The following FBXL13 variants were observed in gnomAD, a reference collection of about 807,000 sequenced individuals.
The protein encoded by FBXL13 is F-box and leucine-rich repeat protein 13.
In FBXL13, 67 loss-of-function variants were observed where a neutral mutation model predicts 83.6. The observed-to-expected ratio is 0.80, with a 90% CI of 0.66 to 0.98. FBXL13 has a LOEUF of 0.98. Ranked by LOEUF, FBXL13 falls within the 50% of genes least tolerant of loss-of-function variation. The pLI, the probability that FBXL13 is intolerant of heterozygous loss-of-function variation, is 0.00. For missense variants in FBXL13, 822 were observed against 866.5 expected (o/e 0.95, Z 0.64); for synonymous variants, 272 against 299.5 (o/e 0.91, Z 0.95).
At chr7:102,977,310 G>T (rs961847343) in intron 6 of FBXL13, among the ~76,000 whole-genome samples, 1 of 152,182 alleles carries the variant, frequency 6.6e-6, no homozygotes, top group Non-Finnish European at 1.5e-5. Flanking sequence ...ACAAATGTGC[G>T]TGGCAATTTA....
intron 18 of FBXL13, among the ~76,000 whole-genome samples, chr7:102,831,797 A>G (rs1562921243): frequency 6.6e-6 from 1 of 151,900 alleles, no homozygotes; most frequent in Non-Finnish European, 1.5e-5. Context: ...TGTTGCTCTT[A>G]TCTCCTCTCC....
At chr7:102,933,116 T>A (rs1227504224) in intron 8 of FBXL13, 1 of 151,896 alleles carries the variant, frequency 6.6e-6, no homozygotes, top group Non-Finnish European at 1.5e-5. Context: ...ACCCAACAAG[T>A]GGGAAGAAGT....
intron 6 of FBXL13, among the ~76,000 whole-genome samples, chr7:103,021,356 GT>G (rs1333391726): frequency 6.6e-6 from 1 of 152,158 alleles, no homozygotes; most frequent in Non-Finnish European, 1.5e-5. Flanking sequence ...AGACTTAAAT[GT>G]TAGACCTAAA....
intron 6 of FBXL13, among the ~76,000 whole-genome samples, chr7:102,978,100 G>C (rs1192850412): frequency 1.3e-5 from 2 of 152,076 alleles, no homozygotes; most frequent in Non-Finnish European, 2.9e-5. Flanking sequence ...AAAACTTAAA[G>C]TATAATAATA....
chr7:103,007,823 C>G (rs572934639), intron 6 of FBXL13, among the ~76,000 whole-genome samples: 100 of 152,046 alleles, frequency 6.6e-4, no homozygotes, highest in Non-Finnish European at 1.1e-3. Context: ...ATGGGAGGAG[C>G]TGAAGTGGCC....
At chr7:102,902,367 C>T (rs1405971019) in intron 11 of FBXL13, among the ~76,000 whole-genome samples, 2 of 152,270 alleles carry the variant, frequency 1.3e-5, no homozygotes, top group African/African-American at 4.8e-5. Context: ...CAAATATTTT[C>T]TCCCATTCTG....
chr7:103,059,055 T>G (rs562113789), intron 1 of FBXL13, among the ~76,000 whole-genome samples: 52 of 152,058 alleles, frequency 3.4e-4, no homozygotes, highest in Middle Eastern at 3.4e-3. Flanking sequence ...AAGACAGGAG[T>G]TCAGGACTAC....
chr7:102,835,603 G>GTT (rs776220490), intron 17 of FBXL13, among the ~76,000 whole-genome samples: 3,594 of 97,376 alleles, frequency 0.037, 305 homozygotes, highest in Non-Finnish European at 0.04. Context: ...AGGTGACATT[G>GTT]TTTTTTTTTT....
intron 15 of FBXL13, 112 bp from the exon 17 acceptor site, chr7:102,877,705 C>T (rs952593298): frequency 8.1e-6 from 9 of 1,110,080 alleles, no homozygotes; most frequent in African/African-American, 1.6e-5. Context: ...CAAAGATTTT[C>T]CTTTACTCAA....
At chr7:103,067,557 A>C (rs1798518834) in intron 1 of FBXL13, among the ~76,000 whole-genome samples, 1 of 152,150 alleles carries the variant, frequency 6.6e-6, no homozygotes, top group Non-Finnish European at 1.5e-5. Flanking sequence ...CTGTTTTGGG[A>C]CCCAGCCTCC....
chr7:102,927,929 T>A (rs1319367072), intron 9 of FBXL13, among the ~76,000 whole-genome samples: 5 of 152,204 alleles, frequency 3.3e-5, no homozygotes, highest in Admixed American at 3.3e-4. Context: ...TATACACTTG[T>A]TGAAAGACCT....
chr7:103,037,876 G>A (rs1374241254), intron 2 of FBXL13, among the ~76,000 whole-genome samples: 3 of 152,040 alleles, frequency 2.0e-5, no homozygotes, highest in Non-Finnish European at 4.4e-5. Context: ...AGCTCCCAGC[G>A]AGATCCACGC....
chr7:103,034,363 C>T (rs1022756712), intron 2 of FBXL13, among the ~76,000 whole-genome samples: 3 of 152,192 alleles, frequency 2.0e-5, no homozygotes, highest in Admixed American at 6.5e-5. Flanking sequence ...TCAGGCATGG[C>T]GGACTGCAGG....
In FBXL13 at chr7:103,025,167, C is replaced by T. The variant is rs559357123; in HGVS notation, c.391G>A (p.Ala131Thr). Residue 131 changes from alanine (A) to threonine (T), a missense_variant, in exon 6 of 20, where the codon GCA becomes ACA. Transcript: ENST00000313221. The stretch of plus-strand genomic sequence containing the variant: ...CGTTCAGGAAAATTGGATTCTTCTG[C>T]AGCAGCTCTTTTGAGTATTAACCTA... The T allele has an allele frequency of 1.6e-4, 265 of 1,610,044 alleles. 1 individual carries two copies. In the South Asian group the frequency reaches 2.7e-3, roughly 17 times the overall value.
intron 11 of FBXL13, among the ~76,000 whole-genome samples, chr7:102,893,928 GAGAC>G (rs971172837): frequency 2.7e-5 from 4 of 145,704 alleles, no homozygotes; most frequent in African/African-American, 1.1e-4. Context: ...AAGAGAGAGA[GAGAC>G]AGAGAAAGAG....
chr7:102,933,895 G>T, intron 8 of FBXL13: 1 of 1,576,568 alleles, frequency 6.3e-7, no homozygotes, highest in Non-Finnish European at 8.6e-7. Context: ...GAAGTAATTG[G>T]GGCCAGCTGG....
chr7:102,957,302 T>C (rs754252903), intron 8 of FBXL13, among the ~76,000 whole-genome samples: 6 of 152,176 alleles, frequency 3.9e-5, no homozygotes, highest in Non-Finnish European at 8.8e-5. Flanking sequence ...CCCTATTTAA[T>C]AAATAATGCT....
intron 2 of FBXL13, among the ~76,000 whole-genome samples, chr7:103,054,042 C>A (rs1797092459): frequency 6.6e-6 from 1 of 152,162 alleles, no homozygotes; most frequent in East Asian, 1.9e-4. Context: ...CAACATCCAA[C>A]TTCAGTAGCA....
At chr7:102,894,896 G>C (rs914213716) in intron 11 of FBXL13, among the ~76,000 whole-genome samples, 1 of 152,072 alleles carries the variant, frequency 6.6e-6, no homozygotes, top group Non-Finnish European at 1.5e-5. Flanking sequence ...TTCCCACTAC[G>C]TAACAGGCAT....
Sources: allele counts gnomAD v4.1 joint callset (sites outside exome capture counted in the v4.1 genomes callset), GRCh38; gene constraint gnomAD v4.1.1; transcripts MANE v1.5; gene names NCBI Gene and HGNC (gene_info 2026-07-23, HGNC 2026-07-21).